The following ANO4 variants were observed in gnomAD, a reference collection of about 807,000 sequenced individuals.
ANO4 encodes the protein anoctamin 4, also known as anoctamin-4.
Under a neutral mutation model 141.9 loss-of-function variants are expected in ANO4, and 69 were observed. The observed-to-expected ratio is 0.49, with a 90% CI of 0.40 to 0.59. The LOEUF (loss-of-function observed/expected upper bound fraction) is 0.59. Among genes scored for constraint, ANO4 ranks in the 20% least tolerant of loss-of-function variants. The pLI is 0.00. For missense variants in ANO4, 894 were observed against 1,162.2 expected, an observed-to-expected ratio of 0.77 and a Z score of 3.36; for synonymous variants, 350 against 394.3, an observed-to-expected ratio of 0.89 and a Z score of 1.33.
intron 14 of ANO4, among the ~76,000 whole-genome samples, chr12:101,060,172 C>T (rs2048290544): frequency 6.6e-6 from 1 of 152,224 alleles, no homozygotes; most frequent in Non-Finnish European, 1.5e-5. Context: ...TGTTCAGTTT[C>T]CATGTAGTTG....
chr12:101,043,782 A>C (rs1217855979), intron 13 of ANO4, 147 bp downstream of exon 13: 2 of 631,214 alleles, frequency 3.2e-6, no homozygotes, highest in Non-Finnish European at 5.6e-6. Context: ...TCAGTATTCT[A>C]ATTCCCATAT....
chr12:100,761,880 T>C (rs1472543632), intron 3 of ANO4, among the ~76,000 whole-genome samples: 1 of 152,152 alleles, frequency 6.6e-6, no homozygotes, highest in East Asian at 1.9e-4. Flanking sequence ...GTTCTCTGAA[T>C]CTCTCCCCAC....
intron 5 of ANO4, among the ~76,000 whole-genome samples, chr12:100,958,461 A>T (rs2043268734): frequency 6.6e-6 from 1 of 152,246 alleles, no homozygotes; most frequent in Admixed American, 6.5e-5. Context: ...AACAAATCAG[A>T]GAGCCCCTAC....
intron 1 of ANO4, among the ~76,000 whole-genome samples, chr12:100,803,537 C>G (rs1335830028): frequency 2.0e-5 from 3 of 152,124 alleles, no homozygotes; most frequent in African/African-American, 4.8e-5. Context: ...ATCAATGTTC[C>G]ATTTTACTGC....
rs901682612 is a variant in ANO4 at position 100,723,889 on chromosome 12, A to G, written c.22+6342A>G. Among the ~76,000 whole-genome samples the G allele has an allele frequency of 2.0e-5, 3 of 152,328 alleles. No individual in the cohort carries two copies. The South Asian group carries it at 6.2e-4, about 32-fold the overall frequency. On this transcript the variant is annotated intron_variant, in intron 1 of 29. Transcript: ENST00000644049. ...AAGTAACAATGTGGATTTTTCTACTAGAATGTAGTCCTAGACACACAGTCC... is the reference window on the plus strand; with the variant it reads ...AAGTAACAATGTGGATTTTTCTACTGGAATGTAGTCCTAGACACACAGTCC...
At chr12:100,771,275 A>G (rs753938283) in intron 3 of ANO4, among the ~76,000 whole-genome samples, 2 of 152,148 alleles carry the variant, frequency 1.3e-5, no homozygotes, top group Non-Finnish European at 1.5e-5. Context: ...AAGCTAGACC[A>G]TGGAAATGAC....
At chr12:100,925,194 A>G (rs1032580824) in intron 3 of ANO4, among the ~76,000 whole-genome samples, 5 of 152,070 alleles carry the variant, frequency 3.3e-5, no homozygotes, top group Non-Finnish European at 7.4e-5. Flanking sequence ...TTAGGTTCCA[A>G]ATATGATCGA....
intron 5 of ANO4, among the ~76,000 whole-genome samples, chr12:100,962,204 C>T (rs1303149251): frequency 1.3e-5 from 2 of 152,102 alleles, no homozygotes; most frequent in African/African-American, 4.8e-5. Flanking sequence ...AGTGTTTTAA[C>T]AAGGTAATCA....
At chr12:101,056,989 T>A (rs978955898) in intron 14 of ANO4, among the ~76,000 whole-genome samples, 2 of 151,226 alleles carry the variant, frequency 1.3e-5, no homozygotes, top group Non-Finnish European at 2.9e-5. Context: ...TTTCTCCTAA[T>A]GCTTTCCCTC....
chr12:100,760,221 TG>T (rs895038880), intron 3 of ANO4, among the ~76,000 whole-genome samples: 4 of 152,232 alleles, frequency 2.6e-5, no homozygotes, highest in Non-Finnish European at 5.9e-5. Flanking sequence ...GGAGAGATTT[TG>T]GGGGCTAATA....
At chr12:100,965,285 C>T (rs187424888) in intron 5 of ANO4, among the ~76,000 whole-genome samples, 20 of 152,156 alleles carry the variant, frequency 1.3e-4, no homozygotes, top group African/African-American at 4.8e-4. Flanking sequence ...CTTATTTGTT[C>T]AGTCCCAAGT....
intron 8 of ANO4, among the ~76,000 whole-genome samples, chr12:101,008,950 G>A (rs1160013245): frequency 6.6e-6 from 1 of 152,032 alleles, no homozygotes; most frequent in Non-Finnish European, 1.5e-5. Flanking sequence ...TGTTTCCTGT[G>A]TATCATTTCT....
In ANO4 at chr12:101,100,170, G is replaced by T. The variant is rs527305296; in HGVS notation, c.2149+450G>T. Among the ~76,000 whole-genome samples, 120 of 152,214 alleles carry T rather than the reference G, an allele frequency of 7.9e-4. 1 individual carries two copies. The highest frequency in any genetic ancestry group is 1.4e-3 in the Non-Finnish European group (97 of 68,002). On this transcript the variant is annotated intron_variant, in intron 22 of 27. Coordinates refer to ENST00000392977, the MANE Select transcript of ANO4 (RefSeq NM_001286615.2). Reference sequence around the variant, plus strand: ...CTAGCTCACTATGTACTTGGTACATGTTACTTATATCATTATTATTCTCTT... The same window carrying T: ...CTAGCTCACTATGTACTTGGTACATTTTACTTATATCATTATTATTCTCTT...
intron 1 of ANO4, among the ~76,000 whole-genome samples, chr12:100,719,966 T>C (rs1020144271): frequency 2.0e-5 from 3 of 152,236 alleles, no homozygotes; most frequent in Non-Finnish European, 4.4e-5. Context: ...CAATGAATGA[T>C]GTTATTTTTA....
Position 101,127,066 on chromosome 12 carries a change from C to T in ANO4, c.2864C>T (p.Pro955Leu), listed in dbSNP as rs1275058200. Residue 955 changes from proline (P) to leucine (L), a missense_variant, in exon 27 of 28, where the codon CCG becomes CTG. By Grantham distance (98) the Pro-to-Leu change is moderately conservative (BLOSUM62 -3). This residue lies in a region of ANO4 where 637 missense variants were observed against 909.2 expected (regional missense o/e 0.70). Coordinates refer to ENST00000392977, the MANE Select transcript of ANO4 (RefSeq NM_001286615.2). ...GGAAAAGCACACCACAACGAGTGGC[C>T]GTGACCATGTAGGTGAGAGGTGTGC... Reference protein sequence around the residue: ...KNGKAHHNEWP With the variant: ...KNGKAHHNEWL 3.1e-6 allele frequency: 5 copies of T among 1,611,930 alleles called. No individual in the cohort carries two copies. Among genetic ancestry groups the T allele is most frequent in the East Asian group, 2.2e-5 (1 of 44,792 alleles).
At chr12:100,837,515 C>T (rs1433107743) in intron 1 of ANO4, among the ~76,000 whole-genome samples, 1 of 152,068 alleles carries the variant, frequency 6.6e-6, no homozygotes, top group Non-Finnish European at 1.5e-5. Flanking sequence ...GTGGTTCACA[C>T]CTGTAATCCC....
In ANO4 at chr12:101,104,627, GTATATATATATATATATATATATA is replaced by G. The variant is rs1167784816; in HGVS notation, c.2149+4928_2149+4951del. Among the ~76,000 whole-genome samples, 167 of 62,062 alleles carry G rather than the reference GTATATATATATATATATATATATA, an allele frequency of 2.7e-3. 3 individuals carry two copies. Among genetic ancestry groups the G allele is most frequent in the South Asian group, 4.4e-3 (7 of 1,582 alleles). 40.7% of individuals were successfully genotyped at this position (62,062 alleles called of 152,430 possible). ...TGTGTGTGTGTGTGTATGTATGTGTGTATATATATATATATATATATATATATATATATATATATATATAAATAA... is the reference window on the plus strand; with the variant it reads ...TGTGTGTGTGTGTGTATGTATGTGTGTATATATATATATATATATAAATAA... On this transcript the variant is annotated intron_variant, in intron 22 of 27. Coordinates refer to ENST00000392977, the MANE Select transcript of ANO4 (RefSeq NM_001286615.2).
chr12:100,966,277 G>A (rs755525303), intron 5 of ANO4, among the ~76,000 whole-genome samples: 6 of 152,044 alleles, frequency 3.9e-5, no homozygotes, highest in South Asian at 2.1e-4. Context: ...GCACCTTAAC[G>A]GCATTATGCC....
At chr12:100,865,714 CA>C (rs2038720431) in intron 1 of ANO4, among the ~76,000 whole-genome samples, 1 of 152,134 alleles carries the variant, frequency 6.6e-6, no homozygotes, top group Admixed American at 6.5e-5. Context: ...CAGCAGGAAA[CA>C]GATGGAACAC....
Sources: gnomAD v4.1 joint callset for allele counts (sites outside exome capture counted in the v4.1 genomes callset) on GRCh38, gnomAD v4.1.1 for gene constraint, gnomAD v4.1.1 regional missense constraint, MANE v1.5 for transcripts, NCBI Gene and HGNC (gene_info 2026-07-23, HGNC 2026-07-21) for gene names.